Variants in SLC12A8 observed in about 807,000 individuals in gnomAD.
SLC12A8 encodes the protein solute carrier family 12 member 8.
A neutral mutation model predicts 75.6 loss-of-function variants in SLC12A8; 69 were observed. The ratio of observed to expected loss-of-function variants is 0.91; its 90% CI spans 0.75 to 1.11. SLC12A8 has a LOEUF of 1.11. Among genes scored for constraint, SLC12A8 ranks in the 50% most tolerant of loss-of-function variants. SLC12A8 has a pLI of 0.00. For synonymous variants in SLC12A8, 365 were observed against 372.8 expected, an observed-to-expected ratio of 0.98 and a Z score of 0.24; for missense variants, 877 against 896.7, an observed-to-expected ratio of 0.98 and a Z score of 0.28.
intron 4 of SLC12A8, among the ~76,000 whole-genome samples, chr3:125,182,045 C>A (rs1406971052): frequency 6.6e-6 from 1 of 152,060 alleles, no homozygotes; most frequent in Non-Finnish European, 1.5e-5. Flanking sequence ...AGGCTGGGTG[C>A]CGGGTGCAGT....
At chr3:125,183,417 G>A (rs1934706947) in intron 4 of SLC12A8, among the ~76,000 whole-genome samples, 1 of 151,960 alleles carries the variant, frequency 6.6e-6, no homozygotes, top group South Asian at 2.1e-4. Flanking sequence ...CTATTTTCAG[G>A]GTGTAATGCT....
intron 6 of SLC12A8, among the ~76,000 whole-genome samples, chr3:125,132,581 C>T (rs561802355): frequency 5.4e-4 from 83 of 152,304 alleles, no homozygotes; most frequent in African/African-American, 1.8e-3. Flanking sequence ...CATTTACTGA[C>T]ATCAGGAGTA....
At chr3:125,208,375 A>G (rs560204815) in intron 2 of SLC12A8, among the ~76,000 whole-genome samples, 55 of 152,248 alleles carry the variant, frequency 3.6e-4, no homozygotes, top group African/African-American at 1.3e-3. Context: ...TGAGTCATGC[A>G]TTGATTTGCC....
intron 10 of SLC12A8, among the ~76,000 whole-genome samples, chr3:125,104,725 G>C (rs1341445821): frequency 6.6e-6 from 1 of 152,182 alleles, no homozygotes; most frequent in Non-Finnish European, 1.5e-5. Context: ...GTAATCACAT[G>C]ACTAAATTCC....
At chr3:125,187,543 G>T in intron 3 of SLC12A8, 115 bp from the exon 4 acceptor site, 1 of 910,562 alleles carries the variant, frequency 1.1e-6, no homozygotes, top group Non-Finnish European at 1.7e-6. Context: ...GGGGCCAGGG[G>T]TGGGGGCACA....
chr3:125,092,975 TC>T (rs1192804028), intron 10 of SLC12A8, among the ~76,000 whole-genome samples: 1 of 152,176 alleles, frequency 6.6e-6, no homozygotes, highest in Non-Finnish European at 1.5e-5. Flanking sequence ...CAATTTCTCA[TC>T]TCTCAATCCC....
At chr3:125,134,513 G>A (rs971473508) in intron 6 of SLC12A8, among the ~76,000 whole-genome samples, 3 of 152,146 alleles carry the variant, frequency 2.0e-5, no homozygotes, top group Non-Finnish European at 4.4e-5. Flanking sequence ...TCCAGTTTGG[G>A]ACTATTAAAA....
chr3:125,141,406 C>T (rs561510167), intron 5 of SLC12A8, among the ~76,000 whole-genome samples: 2 of 152,172 alleles, frequency 1.3e-5, no homozygotes, highest in African/African-American at 4.8e-5. Flanking sequence ...AGGCAGGCAG[C>T]GGGGGTCACT....
At chr3:125,103,402 A>G (rs1477146179) in intron 10 of SLC12A8, among the ~76,000 whole-genome samples, 6 of 151,554 alleles carry the variant, frequency 4.0e-5, no homozygotes, top group African/African-American at 1.5e-4. Flanking sequence ...AGGTGCCCCA[A>G]TTAACAAGCC....
At chr3:125,105,649 C>A (rs771345259) in intron 10 of SLC12A8, among the ~76,000 whole-genome samples, 1 of 152,206 alleles carries the variant, frequency 6.6e-6, no homozygotes. Context: ...GTCATGATAA[C>A]AAGAATACTA....
In SLC12A8 at chr3:125,108,119, G is replaced by A; in HGVS notation, c.1067C>T (p.Pro356Leu). Residue 356 changes from proline (P) to leucine (L), a missense_variant, in exon 10 of 14, where the codon CCA becomes CTA. Transcript: ENST00000469902. Reference protein sequence around the residue: ...ALACLGQGKGPNKTPVAAICL... With the variant: ...ALACLGQGKGLNKTPVAAICL... ...GATGGCAGCCACGGGTGTTTTGTTT[G>A]GCCCCTTCTGCAGGAACAAAAATAA... The A allele has an allele frequency of 6.2e-7, 1 of 1,612,208 alleles. No individual in the cohort carries two copies.
In SLC12A8 at chr3:125,107,804, T is replaced by A; in HGVS notation, c.1382A>T (p.Asp461Val). 1 of 1,614,166 alleles carries A rather than the reference T, an allele frequency of 6.2e-7. No homozygotes were observed. Among genetic ancestry groups the A allele is most frequent in the Non-Finnish European group, 8.5e-7 (1 of 1,180,018 alleles). ...GGTTAGCTGGAGGAGCTGATCCATG[T>A]CCTTGGTGAATTCCAGTAGCGTGCC... Reference protein sequence around the residue: ...LEGTLLEFTKDMDQLLQLTRK... With the variant: ...LEGTLLEFTKVMDQLLQLTRK... Residue 461 changes from aspartate (D) to valine (V), a missense_variant, in exon 10 of 14, where the codon GAC (aspartate) becomes GTC (valine). Physicochemically the swap from Asp to Val is radical, Grantham distance 152. Coordinates refer to ENST00000469902, the MANE Select transcript of SLC12A8 (RefSeq NM_024628.6).
At chr3:125,126,776 C>T (rs1933219056) in intron 6 of SLC12A8, among the ~76,000 whole-genome samples, 1 of 152,202 alleles carries the variant, frequency 6.6e-6, no homozygotes, top group South Asian at 2.1e-4. Context: ...TTTTTCTTTC[C>T]ATTTATAGCT....
intron 5 of SLC12A8, among the ~76,000 whole-genome samples, chr3:125,146,673 T>A (rs945014704): frequency 6.6e-6 from 1 of 152,194 alleles, no homozygotes; most frequent in East Asian, 1.9e-4. Context: ...TGCCTACTAG[T>A]TGTGGCCTCC....
intron 5 of SLC12A8, among the ~76,000 whole-genome samples, chr3:125,162,975 GA>G (rs1207826573): frequency 6.6e-6 from 1 of 151,906 alleles, no homozygotes; most frequent in African/African-American, 2.4e-5. Context: ...GAAAGAAAAA[GA>G]AAAAAAGACA....
intron 3 of SLC12A8, among the ~76,000 whole-genome samples, chr3:125,188,180 G>C (rs1022963203): frequency 2.0e-5 from 3 of 152,152 alleles, no homozygotes; most frequent in Non-Finnish European, 4.4e-5. Flanking sequence ...TCGTTCACAG[G>C]AGAGCTGGTT....
intron 6 of SLC12A8, among the ~76,000 whole-genome samples, chr3:125,124,266 C>T (rs1933138792): frequency 6.6e-6 from 1 of 152,190 alleles, no homozygotes; most frequent in South Asian, 2.1e-4. Flanking sequence ...CGGGTGATTC[C>T]TGCTGGGGCA....
In SLC12A8 at chr3:125,092,269, T is replaced by A; in HGVS notation, c.1706-71A>T. On this transcript the variant is annotated intron_variant, in intron 10 of 13. Coordinates refer to ENST00000469902, the MANE Select transcript of SLC12A8 (RefSeq NM_024628.6). ...CTACTGTTTTTTAGGAAAATATACC[T>A]ATGAGCTCCTCTTCCCCAATTTTGT... 4.9e-6 allele frequency: 5 copies of A among 1,012,376 alleles called. No homozygotes were observed. The South Asian group carries it at 6.9e-5, about 14-fold the overall frequency. 62.7% of individuals were successfully genotyped at this position (1,012,376 alleles called of 1,614,324 possible).
chr3:125,093,994 A>T (rs1459390660), intron 10 of SLC12A8, among the ~76,000 whole-genome samples: 2 of 152,078 alleles, frequency 1.3e-5, no homozygotes, highest in African/African-American at 4.8e-5. Flanking sequence ...TACAAAAACA[A>T]CTCATCCAAA....
Sources: allele counts gnomAD v4.1 joint callset (sites outside exome capture counted in the v4.1 genomes callset), GRCh38; gene constraint gnomAD v4.1.1; transcripts MANE v1.5; gene names NCBI Gene and HGNC (gene_info 2026-07-23, HGNC 2026-07-21).